The following DPY19L2 variants were observed in gnomAD, a reference collection of about 807,000 sequenced individuals.
The protein encoded by DPY19L2 is dpy-19 like 2.
A neutral mutation model predicts 97.9 loss-of-function variants in DPY19L2; 34 were observed. The ratio of observed to expected loss-of-function variants is 0.35; its 90% CI spans 0.26 to 0.46. DPY19L2 has a LOEUF of 0.46. Ranked by LOEUF, DPY19L2 falls within the 20% of genes least tolerant of loss-of-function variation. The pLI is 1.00. For synonymous variants in DPY19L2, 230 were observed against 307.9 expected (o/e 0.75, Z 2.65); for missense variants, 623 against 911.4 (o/e 0.68, Z 4.07).
chr12:63,661,820 A>C (rs537099260), intron 3 of DPY19L2, among the ~76,000 whole-genome samples: 1 of 152,268 alleles, frequency 6.6e-6, no homozygotes, highest in East Asian at 1.9e-4. Flanking sequence ...GAGATGCTTG[A>C]AGGTTGACAT....
intron 11 of DPY19L2, among the ~76,000 whole-genome samples, chr12:63,616,716 A>G (rs1887895392): frequency 6.6e-6 from 1 of 152,194 alleles, no homozygotes; most frequent in African/African-American, 2.4e-5. Flanking sequence ...CCATCACTCA[A>G]AGTAGTTTGG....
At chr12:63,586,633 G>A (rs1881841745) in intron 16 of DPY19L2, among the ~76,000 whole-genome samples, 2 of 152,100 alleles carry the variant, frequency 1.3e-5, no homozygotes, top group African/African-American at 4.8e-5. Flanking sequence ...TGCAAATAAT[G>A]GGAATAACTG....
At chr12:63,589,110 C>G (rs1882373943) in intron 16 of DPY19L2, among the ~76,000 whole-genome samples, 1 of 151,814 alleles carries the variant, frequency 6.6e-6, no homozygotes, top group Non-Finnish European at 1.5e-5. Context: ...GTAAATGAAA[C>G]AGTGAGACAC....
chr12:63,563,517 T>C (rs1474942840), intron 21 of DPY19L2, among the ~76,000 whole-genome samples: 2 of 152,236 alleles, frequency 1.3e-5, no homozygotes, highest in African/African-American at 2.4e-5. Flanking sequence ...TGATGCGCGA[T>C]GATGCGGTCT....
chr12:63,560,921 A>G (rs1876375293), intron 21 of DPY19L2, among the ~76,000 whole-genome samples: 1 of 152,252 alleles, frequency 6.6e-6, no homozygotes, highest in Non-Finnish European at 1.5e-5. Context: ...ATAAATATAT[A>G]TGTAAAAGCA....
chr12:63,560,554 T>A lies in DPY19L2; in HGVS notation c.2235A>T (p.Thr745=), dbSNP rs372554385. 1.9e-6 allele frequency: 3 copies of A among 1,613,926 alleles called. No individual in the cohort carries two copies. Among genetic ancestry groups the A allele is most frequent in the Middle Eastern group, 1.6e-4 (1 of 6,084 alleles). The change falls in exon 22 of 22, where the codon ACA becomes ACT. Residue 745 remains threonine (T), a synonymous_variant. Coordinates refer to ENST00000324472, the MANE Select transcript of DPY19L2 (RefSeq NM_173812.5). ...CTCTGTACACACTATTCTGAAATAC[T>A]GTGGTGAAGTAAGGCCTGGCGTCTT... The part of the protein sequence containing the change: ...LLEDARPYFT[T]VFQNSVYRVL...
chr12:63,647,179 T>G, intron 5 of DPY19L2, 66 bp downstream of exon 5: 1 of 1,119,792 alleles, frequency 8.9e-7, no homozygotes, highest in Non-Finnish European at 1.2e-6. Flanking sequence ...TTCTTAAAAG[T>G]GAATCATAAT....
chr12:63,605,241 A>G (rs1205722679), intron 12 of DPY19L2, among the ~76,000 whole-genome samples: 1 of 152,124 alleles, frequency 6.6e-6, no homozygotes, highest in Admixed American at 6.5e-5. Context: ...TAAGGAGCAG[A>G]GGGCTCTTTC....
chr12:63,658,400 T>A (rs61935163), intron 4 of DPY19L2, among the ~76,000 whole-genome samples: 18,232 of 151,932 alleles, frequency 0.12, 1,192 homozygotes, highest in East Asian at 0.28. Flanking sequence ...AGGCTGAGGA[T>A]GGAGAATCGC....
At chr12:63,638,908 C>G (rs556507117) in intron 6 of DPY19L2, among the ~76,000 whole-genome samples, 2 of 152,152 alleles carry the variant, frequency 1.3e-5, no homozygotes, top group East Asian at 1.9e-4. Flanking sequence ...CAATCCTAAG[C>G]AAAAAGTACA....
chr12:63,617,098 T>C (rs548999164), intron 11 of DPY19L2, among the ~76,000 whole-genome samples: 2 of 152,288 alleles, frequency 1.3e-5, no homozygotes, highest in South Asian at 2.1e-4. Flanking sequence ...TTTAAATATT[T>C]ACTTGGGCAC....
intron 11 of DPY19L2, among the ~76,000 whole-genome samples, chr12:63,616,774 A>G (rs1887907360): frequency 6.6e-6 from 1 of 152,198 alleles, no homozygotes; most frequent in African/African-American, 2.4e-5. Flanking sequence ...TTATAGGTGC[A>G]AAATAATCGG....
At chr12:63,631,538 C>A (rs1399651955) in intron 6 of DPY19L2, among the ~76,000 whole-genome samples, 1 of 152,028 alleles carries the variant, frequency 6.6e-6, no homozygotes, top group Non-Finnish European at 1.5e-5. Flanking sequence ...TCTGAATAGA[C>A]CAATAACAGG....
rs757564639 is a variant in DPY19L2 at position 63,624,028 on chromosome 12, A to C, written c.953+12T>G. The C allele has an allele frequency of 1.1e-5, 17 of 1,589,350 alleles. No homozygotes were observed. The highest frequency in any genetic ancestry group is 1.5e-5 in the Non-Finnish European group (17 of 1,159,930). ...ATAATTTATTTGCCTTCGTTTTATA[A>C]ATCGAAGTTACCTGAGAATCAAAGT... On this transcript the variant is annotated intron_variant, in intron 8 of 21. Transcript: ENST00000324472.
chr12:63,630,361 G>C (rs527895454), intron 6 of DPY19L2, among the ~76,000 whole-genome samples: 3 of 152,008 alleles, frequency 2.0e-5, no homozygotes, highest in Admixed American at 2.0e-4. Context: ...AAAATAAAGG[G>C]ACAGAGGAAG....
chr12:63,622,654 A>C (rs992902094), intron 8 of DPY19L2, among the ~76,000 whole-genome samples: 1 of 152,130 alleles, frequency 6.6e-6, no homozygotes, highest in African/African-American at 2.4e-5. Flanking sequence ...GGCCGGGCAC[A>C]GTGGCTCACA....
chr12:63,630,303 T>C (rs1447182575), intron 6 of DPY19L2, among the ~76,000 whole-genome samples: 7 of 152,082 alleles, frequency 4.6e-5, no homozygotes, highest in Admixed American at 4.6e-4. Flanking sequence ...CCCATCAGTG[T>C]GCTGTATTCA....
chr12:63,602,241 G>A (rs1885302179), intron 12 of DPY19L2, among the ~76,000 whole-genome samples: 3 of 151,818 alleles, frequency 2.0e-5, no homozygotes, highest in Admixed American at 2.0e-4. Context: ...GACATAGAAA[G>A]GGAATGGAAG....
rs540484642 is a variant in DPY19L2 at position 63,595,886 on chromosome 12, A to T, written c.1533+80T>A. ...GAGAGAAAGAGTTCATCCTAAAAAT[A>T]ACATGGAATTCTGAGCAATTTGCAT... On this transcript the variant is annotated intron_variant, in intron 15 of 21. Coordinates refer to ENST00000324472, the MANE Select transcript of DPY19L2 (RefSeq NM_173812.5). The T allele has an allele frequency of 1.8e-4, 240 of 1,300,190 alleles. 1 individual carries two copies. The highest frequency in any genetic ancestry group is 2.5e-4 in the Non-Finnish European group (234 of 953,248). The allele number at this position is 1,300,190 out of a possible 1,614,324, so 80.5% of individuals were successfully genotyped here. A position where few individuals can be genotyped will look rare whatever the true frequency, so the allele number is the denominator to read the frequency against.
Sources: allele counts gnomAD v4.1 joint callset (sites outside exome capture counted in the v4.1 genomes callset), GRCh38; gene constraint gnomAD v4.1.1; transcripts MANE v1.5; gene names NCBI Gene and HGNC (gene_info 2026-07-23, HGNC 2026-07-21).